Variants in FAM131C observed in about 807,000 individuals in gnomAD.
The protein encoded by FAM131C is protein FAM131C.
Under a neutral mutation model 29.8 loss-of-function variants are expected in FAM131C, and 14 were observed. The ratio of observed to expected loss-of-function variants is 0.47; its 90% CI spans 0.31 to 0.73. The LOEUF (loss-of-function observed/expected upper bound fraction) is 0.73. Among genes scored for constraint, FAM131C ranks in the 30% least tolerant of loss-of-function variants. The pLI is 0.05. For synonymous variants in FAM131C, 86 were observed against 157.8 expected (o/e 0.54, Z 3.41); for missense variants, 252 against 383.8 (o/e 0.66, Z 2.87).
rs569193971 is a variant in FAM131C at position 16,072,071 on chromosome 1, T to C, written c.22+1350A>G. On this transcript the variant is annotated intron_variant, in intron 1 of 6. Coordinates refer to ENST00000375662, the MANE Select transcript of FAM131C (RefSeq NM_182623.3). The stretch of plus-strand genomic sequence containing the variant: ...CCTCACTCTTCAAACTTCCTTCCCC[T>C]CCCGCTAGGCTGCAGGCCTCCCGTA... Among the ~76,000 whole-genome samples the C allele has an allele frequency of 1.3e-3, 204 of 152,246 alleles. 2 individuals are homozygous for C. The highest frequency in any genetic ancestry group is 1.1e-3 in the Non-Finnish European group (73 of 68,004).
chr1:16,062,101 AC>A lies in FAM131C; in HGVS notation c.265del (p.Val89TrpfsTer75). 1 of 1,611,436 alleles carries A rather than the reference AC, an allele frequency of 6.2e-7. No homozygotes were observed. The highest frequency in any genetic ancestry group is 8.5e-7 in the Non-Finnish European group (1 of 1,179,430). On this transcript the variant is annotated frameshift_variant, in exon 4 of 7. Transcript: ENST00000375662. LOFTEE classifies it high-confidence loss of function. ...NVAALATSSLVGVVQSIKDHI... is the reference protein window; with the variant it reads ...NVAALATSSLXGVVQSIKDHI... ...GGAGAGTTGCGGCCAGAACCTACCC[AC>A]AAGGGACGAGGTGGCCAGGGCTGCC... is the stretch of plus-strand genomic sequence containing the variant.
chr1:16,064,725 T>G (rs1379347231), intron 1 of FAM131C, among the ~76,000 whole-genome samples: 1 of 152,216 alleles, frequency 6.6e-6, no homozygotes, highest in African/African-American at 2.4e-5. Context: ...CCCTTCTCGC[T>G]GGACGTGCAG....
chr1:16,066,346 C>T (rs573178693), intron 1 of FAM131C, among the ~76,000 whole-genome samples: 1 of 152,318 alleles, frequency 6.6e-6, no homozygotes, highest in South Asian at 2.1e-4. Flanking sequence ...CACCCATGAC[C>T]CAGGCAGGCC....
intron 3 of FAM131C, 80 bp downstream of exon 3, chr1:16,062,419 G>T: frequency 1.9e-6 from 2 of 1,052,740 alleles, no homozygotes; most frequent in Non-Finnish European, 1.4e-6. Context: ...AGGACTGTGT[G>T]CCTGGGCTGG....
intron 1 of FAM131C, among the ~76,000 whole-genome samples, chr1:16,064,580 T>C (rs899355060): frequency 2.6e-5 from 4 of 152,288 alleles, no homozygotes; most frequent in African/African-American, 7.2e-5. Flanking sequence ...CTCTGGACCT[T>C]CTCCTGCATT....
chr1:16,060,131 C>T, intron 4 of FAM131C, 80 bp from the exon 5 acceptor site: 1 of 722,396 alleles, frequency 1.4e-6, no homozygotes, highest in Non-Finnish European at 2.2e-6. Context: ...TCAGGCCCAC[C>T]CAGTGGCCTG....
intron 4 of FAM131C, among the ~76,000 whole-genome samples, chr1:16,060,563 C>T (rs901616014): frequency 6.6e-6 from 1 of 151,216 alleles, no homozygotes; most frequent in African/African-American, 2.4e-5. Flanking sequence ...GCAGGGAAGG[C>T]TTCCTGGAAG....
At chr1:16,062,390 C>CCA (rs1025852325) in intron 3 of FAM131C, 109 bp downstream of exon 3, 26 of 1,263,908 alleles carry the variant, frequency 2.1e-5, no homozygotes, top group African/African-American at 8.4e-5. Context: ...GCCCCCCCCC[C>CCA]CCCCGCCCCA....
chr1:16,072,766 G>C lies in FAM131C; in HGVS notation c.22+655C>G, dbSNP rs1261243463. Among the ~76,000 whole-genome samples, 10 of 152,256 alleles carry C rather than the reference G, an allele frequency of 6.6e-5. No individual in the cohort carries two copies. In the East Asian group the frequency reaches 7.7e-4, roughly 12 times the overall value. The stretch of plus-strand genomic sequence containing the variant: ...CCCTCCACCTCCTTGGGTACCACGT[G>C]GGGGAGAGTGGAGGGTGACAGGTCA... On this transcript the variant is annotated intron_variant, in intron 1 of 6. Transcript: ENST00000375662.
intron 1 of FAM131C, among the ~76,000 whole-genome samples, chr1:16,072,191 TG>T (rs1197329240): frequency 6.6e-6 from 1 of 152,132 alleles, no homozygotes; most frequent in African/African-American, 2.4e-5. Flanking sequence ...GCTTAATGCA[TG>T]GATAAGTAAA....
chr1:16,071,928 G>A (rs2023754235), intron 1 of FAM131C, among the ~76,000 whole-genome samples: 1 of 152,190 alleles, frequency 6.6e-6, no homozygotes, highest in African/African-American at 2.4e-5. Context: ...CCAAGTGAAG[G>A]GGAAGGGACA....
chr1:16,070,674 A>T (rs2023739507), intron 1 of FAM131C, among the ~76,000 whole-genome samples: 2 of 152,190 alleles, frequency 1.3e-5, no homozygotes, highest in South Asian at 4.1e-4. Flanking sequence ...TGAGAGCAAT[A>T]GCTAATATGT....
rs1570361200 is a variant in FAM131C at position 16,073,514 on chromosome 1, C to T, written c.-72G>A. On this transcript the variant is annotated 5_prime_UTR_variant, in exon 1 of 7. Coordinates refer to ENST00000375662, the MANE Select transcript of FAM131C (RefSeq NM_182623.3). ...GCGGGGCGTTCATGTCTCCGCGGGC[C>T]CGGGGCTGAGCGCTGCGGAGCCAGA... is the stretch of plus-strand genomic sequence containing the variant. 1.0e-6 allele frequency: 1 copy of T among 987,456 alleles called. No homozygotes were observed. The highest frequency in any genetic ancestry group is 1.3e-6 in the Non-Finnish European group (1 of 780,460). The allele number at this position is 987,456 out of a possible 1,614,324, so 61.2% of individuals were successfully genotyped here.
chr1:16,073,272 T>A, intron 1 of FAM131C, 149 bp downstream of exon 1: 1 of 377,480 alleles, frequency 2.6e-6, no homozygotes. Context: ...CGTCCCTAGC[T>A]CTGTCCCCCT....
In FAM131C at chr1:16,058,782, G is replaced by C; in HGVS notation, c.563-65C>G. The C allele has an allele frequency of 1.2e-5, 17 of 1,414,034 alleles. 3 individuals are homozygous for C. Among genetic ancestry groups the C allele is most frequent in the Non-Finnish European group, 1.6e-5 (17 of 1,051,302 alleles). 87.6% of individuals were successfully genotyped at this position (1,414,034 alleles called of 1,614,324 possible). ...ATCCAGCTCCTCGCCCTCTCTGGGG[G>C]TGTGAGAAAGGGCAAGGGGCAGAAG... is the stretch of plus-strand genomic sequence containing the variant. On this transcript the variant is annotated intron_variant, in intron 6 of 6. Transcript: ENST00000375662.
intron 1 of FAM131C, 55 bp from the exon 2 acceptor site, chr1:16,063,691 C>T: frequency 3.9e-6 from 5 of 1,281,442 alleles, no homozygotes; most frequent in South Asian, 1.4e-5. Context: ...CTCTTGCTTA[C>T]AAAGCATGTT....
At chr1:16,069,499 G>A (rs765527762) in intron 1 of FAM131C, among the ~76,000 whole-genome samples, 3 of 152,184 alleles carry the variant, frequency 2.0e-5, no homozygotes, top group Non-Finnish European at 2.9e-5. Context: ...CGACCCCACC[G>A]GCCCCCAGTG....
intron 6 of FAM131C, among the ~76,000 whole-genome samples, chr1:16,059,210 C>A (rs1298539917): frequency 7.9e-6 from 1 of 126,898 alleles, no homozygotes. Context: ...ACAAGACCCA[C>A]TCCCTAGGGC....
chr1:16,071,865 C>T (rs2023753547), intron 1 of FAM131C, among the ~76,000 whole-genome samples: 1 of 152,166 alleles, frequency 6.6e-6, no homozygotes, highest in African/African-American at 2.4e-5. Context: ...GGGTTCTCAG[C>T]TCAAAGGCCA....
Sources: allele counts gnomAD v4.1 joint callset (sites outside exome capture counted in the v4.1 genomes callset), GRCh38; gene constraint gnomAD v4.1.1; transcripts MANE v1.5; gene names NCBI Gene and HGNC (gene_info 2026-07-23, HGNC 2026-07-21).